SGCD: variants seen among roughly 807,000 people sequenced by gnomAD.
SGCD encodes delta-sarcoglycan.
SGCD carries 18 observed loss-of-function variants against 36.6 expected under a neutral mutation model. The ratio of observed to expected loss-of-function variants is 0.49; its 90% CI spans 0.34 to 0.73. The LOEUF (loss-of-function observed/expected upper bound fraction) is 0.73, where lower values mean the gene tolerates loss of function less well. Among genes scored for constraint, SGCD ranks in the 30% least tolerant of loss-of-function variants. The pLI is 0.01. For missense variants in SGCD, 387 were observed against 346.7 expected (o/e 1.12, Z -0.92); for synonymous variants, 133 against 130.6 (o/e 1.02, Z -0.12).
At chr5:156,068,491 A>ATG (rs1760412712) in intron 1 of SGCD, among the ~76,000 whole-genome samples, 1 of 152,006 alleles carries the variant, frequency 6.6e-6, no homozygotes, top group Non-Finnish European at 1.5e-5. Flanking sequence ...CATGGTGTAT[A>ATG]TGTGCCACAT....
chr5:156,603,463 T>G (rs2113422238), intron 6 of SGCD, among the ~76,000 whole-genome samples: 2 of 152,182 alleles, frequency 1.3e-5, no homozygotes, highest in South Asian at 2.1e-4. Context: ...CTACCAACTT[T>G]GGGTTTTGTT....
At chr5:156,306,907 G>A (rs943587364) in intron 3 of SGCD, among the ~76,000 whole-genome samples, 10 of 152,006 alleles carry the variant, frequency 6.6e-5, no homozygotes, top group African/African-American at 1.9e-4. Context: ...TTTTCTTGCT[G>A]TATTGAAACT....
chr5:156,668,231 CTCAAACT>C (rs1382859945), intron 7 of SGCD, among the ~76,000 whole-genome samples: 1 of 152,184 alleles, frequency 6.6e-6, no homozygotes, highest in Non-Finnish European at 1.5e-5. Context: ...GTTTGAATTC[CTCAAACT>C]GACATGCAGT....
intron 3 of SGCD, among the ~76,000 whole-genome samples, chr5:156,219,073 T>A (rs1764653334): frequency 6.6e-6 from 1 of 152,240 alleles, no homozygotes; most frequent in Admixed American, 6.5e-5. Flanking sequence ...TGAGTGTTTC[T>A]GGACAGTTTC....
At chr5:155,940,582 A>T (rs1435056468) in intron 1 of SGCD, among the ~76,000 whole-genome samples, 4 of 152,224 alleles carry the variant, frequency 2.6e-5, no homozygotes, top group Admixed American at 6.5e-5. Flanking sequence ...TTGGTGGCTC[A>T]TGCCTATAAT....
At chr5:156,353,051 C>T (rs1769333930) in intron 3 of SGCD, among the ~76,000 whole-genome samples, 1 of 152,190 alleles carries the variant, frequency 6.6e-6, no homozygotes, top group Non-Finnish European at 1.5e-5. Flanking sequence ...AAATTGGACA[C>T]ATTGTAAAAC....
At chr5:156,695,511 GGATAGATAGATAGATAGATA>G (rs56315334) in intron 7 of SGCD, among the ~76,000 whole-genome samples, 4,932 of 139,964 alleles carry the variant, frequency 0.035, 103 homozygotes, top group Non-Finnish European at 0.047. Context: ...ATAGATAGAT[GGATAGATAGATAGATAGATA>G]GATAGATAGA....
intron 3 of SGCD, among the ~76,000 whole-genome samples, chr5:156,209,835 A>C (rs929185286): frequency 2.0e-5 from 3 of 152,026 alleles, no homozygotes; most frequent in Non-Finnish European, 4.4e-5. Flanking sequence ...AACCCCTCTG[A>C]AGACCCACAC....
chr5:156,242,882 G>C (rs1199193256), intron 3 of SGCD, among the ~76,000 whole-genome samples: 2 of 152,158 alleles, frequency 1.3e-5, no homozygotes, highest in Non-Finnish European at 2.9e-5. Context: ...CTGAGAGGCA[G>C]ATAGAGGGGT....
chr5:156,093,854 C>T (rs765988183), intron 1 of SGCD, among the ~76,000 whole-genome samples: 5 of 152,154 alleles, frequency 3.3e-5, no homozygotes, highest in African/African-American at 9.7e-5. Flanking sequence ...TCTGAGGATC[C>T]TCTTTATAAG....
At chr5:155,940,854 AAACAAC>A (rs143386038) in intron 1 of SGCD, among the ~76,000 whole-genome samples, 2 of 112,830 alleles carry the variant, frequency 1.8e-5, no homozygotes, top group Non-Finnish European at 3.6e-5. Flanking sequence ...CAAAACAAAC[AAACAAC>A]AACAACAACA....
intron 1 of SGCD, among the ~76,000 whole-genome samples, chr5:156,045,541 T>TG (rs1349448903): frequency 6.6e-6 from 1 of 152,192 alleles, no homozygotes; most frequent in African/African-American, 2.4e-5. Flanking sequence ...TCAGCCTGGC[T>TG]GCCATCACAA....
chr5:156,383,562 T>A (rs1771114484), intron 3 of SGCD, among the ~76,000 whole-genome samples: 1 of 151,158 alleles, frequency 6.6e-6, no homozygotes, highest in South Asian at 2.1e-4. Flanking sequence ...AATATAGGAG[T>A]CCTGGGGCTG....
At chr5:156,038,649 G>A (rs377376296) in intron 1 of SGCD, among the ~76,000 whole-genome samples, 4 of 151,714 alleles carry the variant, frequency 2.6e-5, no homozygotes, top group South Asian at 2.1e-4. Flanking sequence ...TTCTCTTTAC[G>A]AGTCAAGAAA....
intron 3 of SGCD, among the ~76,000 whole-genome samples, chr5:156,496,775 T>C (rs1378320254): frequency 6.6e-6 from 1 of 152,154 alleles, no homozygotes; most frequent in Non-Finnish European, 1.5e-5. Context: ...GTCCTACACA[T>C]GCCCAAAGAA....
chr5:155,890,620 G>A (rs1348431016), intron 1 of SGCD, among the ~76,000 whole-genome samples: 1 of 132,684 alleles, frequency 7.5e-6, no homozygotes, highest in Non-Finnish European at 1.6e-5. Flanking sequence ...TAGATAGGTA[G>A]GTAAGTAGAT....
intron 1 of SGCD, among the ~76,000 whole-genome samples, chr5:155,872,853 C>G (rs1755683225): frequency 6.6e-6 from 1 of 152,156 alleles, no homozygotes; most frequent in Non-Finnish European, 1.5e-5. Flanking sequence ...CGGGATCCAG[C>G]ATTCGTTGTT....
chr5:155,876,427 C>T (rs1333683828), intron 1 of SGCD, among the ~76,000 whole-genome samples: 9 of 152,040 alleles, frequency 5.9e-5, no homozygotes, highest in Non-Finnish European at 1.5e-5. Context: ...CAAAGCACCA[C>T]ATGAATGGAA....
chr5:155,994,655 C>T (rs1307171371), intron 1 of SGCD, among the ~76,000 whole-genome samples: 2 of 152,130 alleles, frequency 1.3e-5, no homozygotes, highest in East Asian at 3.9e-4. Context: ...AAGACATAAT[C>T]AATAATTGTT....
Sources: gnomAD v4.1 joint callset for allele counts (sites outside exome capture counted in the v4.1 genomes callset) on GRCh38, gnomAD v4.1.1 for gene constraint, MANE v1.5 for transcripts, NCBI Gene and HGNC (gene_info 2026-07-23, HGNC 2026-07-21) for gene names.